Variants in SGMS2 observed in about 807,000 individuals in gnomAD.
SGMS2 encodes phosphatidylcholine:ceramide cholinephosphotransferase 2.
A neutral mutation model predicts 43.8 loss-of-function variants in SGMS2; 21 were observed. That is an observed-to-expected ratio of 0.48 (90% confidence interval 0.34 to 0.69). The LOEUF (loss-of-function observed/expected upper bound fraction) is 0.69. Ranked by LOEUF, SGMS2 falls within the 30% of genes least tolerant of loss-of-function variation. SGMS2 has a pLI of 0.01. For missense variants in SGMS2, 384 were observed against 443.2 expected (o/e 0.87, Z 1.20); for synonymous variants, 167 against 160.6 (o/e 1.04, Z -0.30).
At chr4:107,846,583 G>A (rs1224745516) in intron 1 of SGMS2, among the ~76,000 whole-genome samples, 8 of 151,526 alleles carry the variant, frequency 5.3e-5, no homozygotes, top group Admixed American at 2.0e-4. Context: ...ACGTGTGCAT[G>A]TGTCTTTATA....
At chr4:107,903,768 TAATGACCTTTG>T (rs1296794731) in intron 5 of SGMS2, among the ~76,000 whole-genome samples, 4 of 152,224 alleles carry the variant, frequency 2.6e-5, no homozygotes, top group Admixed American at 6.5e-5. Flanking sequence ...AAGACAGATG[TAATGACCTTTG>T]AATTATTTGT....
chr4:107,858,582 A>G (rs1727552891), intron 2 of SGMS2, 29 bp downstream of exon 2: 1 of 152,236 alleles, frequency 6.6e-6, no homozygotes, highest in African/African-American at 2.4e-5. Flanking sequence ...CCATCTGGAA[A>G]CAGTAGGTTT....
chr4:107,867,428 G>A (rs952369016), intron 2 of SGMS2: 2 of 152,226 alleles, frequency 1.3e-5, no homozygotes, highest in East Asian at 3.9e-4. Flanking sequence ...ATCCACTGAT[G>A]TCTGATGTTG....
chr4:107,888,811 A>G (rs1378271805), intron 2 of SGMS2, among the ~76,000 whole-genome samples: 5 of 152,146 alleles, frequency 3.3e-5, no homozygotes, highest in Non-Finnish European at 7.4e-5. Context: ...AATATCTATT[A>G]TTTAATTTAA....
intron 1 of SGMS2, among the ~76,000 whole-genome samples, chr4:107,832,761 C>T (rs1725960725): frequency 6.6e-6 from 1 of 152,194 alleles, no homozygotes; most frequent in African/African-American, 2.4e-5. Flanking sequence ...GGTACTGTGG[C>T]TCATGCCTGT....
chr4:107,876,112 ATTAAG>A (rs1434544671), intron 2 of SGMS2, among the ~76,000 whole-genome samples: 1 of 152,220 alleles, frequency 6.6e-6, no homozygotes, highest in African/African-American at 2.4e-5. Context: ...CTCAGGCTGT[ATTAAG>A]CTATTTCTTG....
At chr4:107,834,456 G>A (rs1239837870) in intron 1 of SGMS2, among the ~76,000 whole-genome samples, 3 of 152,194 alleles carry the variant, frequency 2.0e-5, no homozygotes, top group East Asian at 1.9e-4. Flanking sequence ...TGCATCCTAT[G>A]TAGTTGTGTC....
chr4:107,910,562 A>G lies in SGMS2; in HGVS notation c.*9A>G. 1 of 1,613,326 alleles carries G rather than the reference A, an allele frequency of 6.2e-7. No homozygotes were observed. On this transcript the variant is annotated 3_prime_UTR_variant, in exon 7 of 7. Coordinates refer to ENST00000690982, the MANE Select transcript of SGMS2 (RefSeq NM_001375905.1). Reference sequence around the variant, plus strand: ...ATGAGAAATCGACCTGAGGAGCAAAACAAAGGCATCAGCTCTTACACCAAA... The same window carrying G: ...ATGAGAAATCGACCTGAGGAGCAAAGCAAAGGCATCAGCTCTTACACCAAA...
chr4:107,835,174 T>C (rs1726102869), intron 1 of SGMS2, among the ~76,000 whole-genome samples: 2 of 152,256 alleles, frequency 1.3e-5, no homozygotes, highest in South Asian at 4.1e-4. Context: ...TCTTGGGAAT[T>C]TTCTTGTGTC....
At chr4:107,855,501 T>C (rs1309779026) in intron 1 of SGMS2, among the ~76,000 whole-genome samples, 2 of 152,206 alleles carry the variant, frequency 1.3e-5, no homozygotes, top group Non-Finnish European at 2.9e-5. Context: ...TCCAAAGCTC[T>C]TCTTGTTATT....
At chr4:107,901,232 G>GCATA (rs1479747156) in intron 4 of SGMS2, among the ~76,000 whole-genome samples, 2 of 152,152 alleles carry the variant, frequency 1.3e-5, no homozygotes, top group Non-Finnish European at 2.9e-5. Flanking sequence ...CCTTCCTGAA[G>GCATA]CATAAGCAAG....
chr4:107,859,459 T>A (rs1036894068), intron 2 of SGMS2, among the ~76,000 whole-genome samples: 6 of 152,238 alleles, frequency 3.9e-5, no homozygotes, highest in Non-Finnish European at 5.9e-5. Context: ...GGAATGTTGC[T>A]AAGGTTAGAA....
intron 1 of SGMS2, among the ~76,000 whole-genome samples, chr4:107,855,247 G>T (rs1012327275): frequency 6.6e-6 from 1 of 151,458 alleles, no homozygotes; most frequent in Admixed American, 6.6e-5. Context: ...ACTAATTTTG[G>T]ATTTGTTCTT....
chr4:107,885,904 A>G (rs931485723), intron 2 of SGMS2, among the ~76,000 whole-genome samples: 4 of 152,214 alleles, frequency 2.6e-5, no homozygotes, highest in African/African-American at 9.6e-5. Flanking sequence ...AATTTTAATA[A>G]TTAAAATAAA....
At chr4:107,851,816 A>G (rs987038192) in intron 1 of SGMS2, among the ~76,000 whole-genome samples, 3 of 152,214 alleles carry the variant, frequency 2.0e-5, no homozygotes, top group Non-Finnish European at 4.4e-5. Context: ...AGTAGTAATC[A>G]TAGTAAATAT....
At chr4:107,856,203 C>T (rs1448568421) in intron 1 of SGMS2, among the ~76,000 whole-genome samples, 1 of 151,980 alleles carries the variant, frequency 6.6e-6, no homozygotes, top group Non-Finnish European at 1.5e-5. Context: ...TACTTTATTC[C>T]TTTGTGAAAT....
chr4:107,886,650 T>TGAC (rs1729775181), intron 2 of SGMS2: 1 of 152,096 alleles, frequency 6.6e-6, no homozygotes, highest in African/African-American at 2.4e-5. Flanking sequence ...TGTCAGAAAG[T>TGAC]GACATTCTTT....
At chr4:107,864,591 A>C (rs1225686423) in intron 2 of SGMS2, 5 of 152,198 alleles carry the variant, frequency 3.3e-5, no homozygotes, top group African/African-American at 1.2e-4. Flanking sequence ...ACAGCTATAG[A>C]GATTTCTTTA....
chr4:107,846,994 T>C (rs1369585425), intron 1 of SGMS2, among the ~76,000 whole-genome samples: 3 of 152,164 alleles, frequency 2.0e-5, no homozygotes, highest in African/African-American at 4.8e-5. Flanking sequence ...TTTGAGCTCA[T>C]TGTAGATTCT....
Sources: gnomAD v4.1 joint callset for allele counts (sites outside exome capture counted in the v4.1 genomes callset) on GRCh38, gnomAD v4.1.1 for gene constraint, MANE v1.5 for transcripts, NCBI Gene and HGNC (gene_info 2026-07-23, HGNC 2026-07-21) for gene names.